PCDHGB1: variants seen among roughly 807,000 people sequenced by gnomAD.
PCDHGB1 encodes protocadherin gamma-B1.
Under a neutral mutation model 56.6 loss-of-function variants are expected in PCDHGB1, and 34 were observed. The observed-to-expected ratio is 0.60, with a 90% CI of 0.46 to 0.80. The LOEUF (loss-of-function observed/expected upper bound fraction) is 0.80. Ranked by LOEUF, PCDHGB1 falls within the 30% of genes least tolerant of loss-of-function variation. PCDHGB1 has a pLI of 0.00. For synonymous variants in PCDHGB1, 561 were observed against 505.9 expected (o/e 1.11, Z -1.46); for missense variants, 1,278 against 1,204.6 (o/e 1.06, Z -0.90).
intron 1 of PCDHGB1, chr5:141,360,021 C>T: frequency 7.7e-7 from 1 of 1,297,264 alleles, no homozygotes; most frequent in Non-Finnish European, 1.0e-6. Context: ...ACAGAGAAGG[C>T]CAGTATAGAT....
chr5:141,436,856 G>A (rs942357563), intron 1 of PCDHGB1, among the ~76,000 whole-genome samples: 2 of 152,246 alleles, frequency 1.3e-5, no homozygotes, highest in Admixed American at 1.3e-4. Context: ...TGATTGAGAA[G>A]CCACAGTTTT....
chr5:141,475,013 G>T (rs950376592), intron 1 of PCDHGB1, among the ~76,000 whole-genome samples: 1 of 152,176 alleles, frequency 6.6e-6, no homozygotes, highest in African/African-American at 2.4e-5. Context: ...AAAAGTTAAG[G>T]CTCTTTATTC....
chr5:141,428,492 A>C (rs2097142759), intron 1 of PCDHGB1: 1 of 307,660 alleles, frequency 3.3e-6, no homozygotes. Flanking sequence ...TGCAATCTGT[A>C]TGTTCCCTCG....
At chr5:141,403,066 G>A in intron 1 of PCDHGB1, 1 of 1,614,076 alleles carries the variant, frequency 6.2e-7, no homozygotes, top group East Asian at 2.2e-5. Flanking sequence ...TGCCTGAAGA[G>A]ACAGAAAAGG....
chr5:141,427,807 A>T (rs1443881781), intron 1 of PCDHGB1: 2 of 1,521,932 alleles, frequency 1.3e-6, no homozygotes, highest in East Asian at 2.3e-5. Flanking sequence ...GTGAGCGCAC[A>T]GAGCGGGGTG....
In PCDHGB1 at chr5:141,423,466, G is replaced by T. The variant is rs770939556; in HGVS notation, c.2409+70797G>T. On this transcript the variant is annotated intron_variant, in intron 1 of 3. Coordinates refer to ENST00000523390, the MANE Select transcript of PCDHGB1 (RefSeq NM_018922.3). Reference sequence around the variant, plus strand: ...GTCACATTTTGTAGGCGTGGACGGGGTACAGGCTTTCCTGCAAACCTATTC... The same window carrying T: ...GTCACATTTTGTAGGCGTGGACGGGTTACAGGCTTTCCTGCAAACCTATTC... 6 of 1,614,022 alleles carry T rather than the reference G, an allele frequency of 3.7e-6. No homozygotes were observed. In the Admixed American group the frequency reaches 5.0e-5, roughly 13 times the overall value.
intron 1 of PCDHGB1, chr5:141,421,632 G>A (rs2096589368): frequency 6.2e-7 from 1 of 1,613,846 alleles, no homozygotes; most frequent in South Asian, 1.1e-5. Context: ...CCAGCTTCCA[G>A]GAGGACGAAG....
At chr5:141,496,050 G>A (rs1232836015) in intron 2 of PCDHGB1, among the ~76,000 whole-genome samples, 2 of 149,892 alleles carry the variant, frequency 1.3e-5, no homozygotes, top group Non-Finnish European at 3.0e-5. Flanking sequence ...ATTTTTTTGT[G>A]CTTGTGGGCA....
intron 1 of PCDHGB1, chr5:141,409,809 A>G: frequency 1.2e-6 from 2 of 1,611,542 alleles, no homozygotes; most frequent in Non-Finnish European, 1.7e-6. Context: ...CAGGCCCGCG[A>G]CCACGGCTCG....
intron 1 of PCDHGB1, among the ~76,000 whole-genome samples, chr5:141,358,915 G>C (rs28587232): frequency 2.6e-5 from 4 of 152,190 alleles, no homozygotes; most frequent in Non-Finnish European, 5.9e-5. Flanking sequence ...AATATTTTGT[G>C]TGTAGGGGAT....
chr5:141,370,355 C>A, intron 1 of PCDHGB1: 3 of 1,508,892 alleles, frequency 2.0e-6, no homozygotes, highest in Non-Finnish European at 1.8e-6. Flanking sequence ...TAAAGATCTC[C>A]TCTCCTCGGA....
Position 141,485,739 on chromosome 5 carries a change from G to A in PCDHGB1, c.2410-9068G>A. 6.2e-7 allele frequency: 1 copy of A among 1,614,234 alleles called. No individual in the cohort carries two copies. Among genetic ancestry groups the A allele is most frequent in the Non-Finnish European group, 8.5e-7 (1 of 1,180,042 alleles). ...GATGTGAAGAAGCGCAGCGACGGCA[G>A]CCTGGTCCCAGAGCTGCTCCTGGAG... On this transcript the variant is annotated intron_variant, in intron 1 of 3. Transcript: ENST00000523390. The surrounding 1 kb of genome is among the most constrained non-coding windows in gnomAD (Gnocchi z 5.7).
chr5:141,365,477 G>A, intron 1 of PCDHGB1: 3 of 1,613,994 alleles, frequency 1.9e-6, no homozygotes, highest in Non-Finnish European at 2.5e-6. Flanking sequence ...TGGTGAGATT[G>A]CATGCTCTAT....
intron 1 of PCDHGB1, chr5:141,393,662 A>G (rs1442061423): frequency 6.2e-7 from 1 of 1,613,816 alleles, no homozygotes; most frequent in African/African-American, 1.3e-5. Context: ...AATTCCGGAA[A>G]ATTAATGAAA....
chr5:141,355,846 G>T, intron 1 of PCDHGB1: 10 of 1,612,248 alleles, frequency 6.2e-6, no homozygotes, highest in Non-Finnish European at 8.5e-6. Flanking sequence ...CACGGCCTTC[G>T]ATGGAGGTGA....
intron 1 of PCDHGB1, chr5:141,427,017 TAC>T (rs764268354): frequency 2.2e-5 from 10 of 456,792 alleles, no homozygotes; most frequent in South Asian, 1.4e-4. Context: ...CCAGGATGTA[TAC>T]AAAGTCAGCC....
intron 1 of PCDHGB1, among the ~76,000 whole-genome samples, chr5:141,437,034 C>T (rs1282216386): frequency 1.3e-5 from 2 of 152,194 alleles, no homozygotes. Context: ...AAATGGATCA[C>T]CGAAACCAGA....
intron 1 of PCDHGB1, chr5:141,422,569 G>A (rs1219842498): frequency 6.2e-7 from 1 of 1,613,984 alleles, no homozygotes; most frequent in Admixed American, 1.7e-5. Context: ...AGATGACAAC[G>A]ATAACCCTCC....
rs986564447 is a variant in PCDHGB1 at position 141,352,435 on chromosome 5, C to T, written c.2175C>T (p.Thr725=). The T allele has an allele frequency of 1.3e-5, 21 of 1,613,926 alleles. No homozygotes were observed. The highest frequency in any genetic ancestry group is 1.6e-5 in the Non-Finnish European group (19 of 1,179,904). Residue 725 remains threonine, a synonymous_variant, in exon 1 of 4, where the codon ACC becomes ACT. Coordinates refer to ENST00000523390, the MANE Select transcript of PCDHGB1 (RefSeq NM_018922.3). ...TCGACACTGAGGGCTGCTTTCAAACCGGTCTCTGCTCCAAGTCTGGGCCCG... is the reference window on the plus strand; with the variant it reads ...TCGACACTGAGGGCTGCTTTCAAACTGGTCTCTGCTCCAAGTCTGGGCCCG... ...SSLDTEGCFQ[T]GLCSKSGPGV...
Sources: gnomAD v4.1 joint callset for allele counts (sites outside exome capture counted in the v4.1 genomes callset) on GRCh38, gnomAD v4.1.1 for gene constraint, Gnocchi (gnomAD v3.1) non-coding constraint, MANE v1.5 for transcripts, NCBI Gene and HGNC (gene_info 2026-07-23, HGNC 2026-07-21) for gene names.